PCMTD1: variants seen among roughly 807,000 people sequenced by gnomAD.
PCMTD1 encodes protein-L-isoaspartate O-methyltransferase domain-containing protein 1.
A neutral mutation model predicts 37.6 loss-of-function variants in PCMTD1; 12 were observed. The observed-to-expected ratio is 0.32, with a 90% CI of 0.20 to 0.52. PCMTD1 has a LOEUF of 0.52. PCMTD1 is among the 20% of genes least tolerant of loss of function. The pLI is 0.97. For synonymous variants in PCMTD1, 117 were observed against 135.8 expected (o/e 0.86, Z 0.96); for missense variants, 235 against 421.3 (o/e 0.56, Z 3.87).
chr8:51,832,719 T>C (rs1171198964), intron 4 of PCMTD1, among the ~76,000 whole-genome samples: 1 of 152,218 alleles, frequency 6.6e-6, no homozygotes, highest in African/African-American at 2.4e-5. Context: ...GCTAAAAAAA[T>C]AAATTTAATA....
chr8:51,856,738 A>G (rs2038395761), intron 2 of PCMTD1, among the ~76,000 whole-genome samples: 1 of 152,244 alleles, frequency 6.6e-6, no homozygotes, highest in South Asian at 2.1e-4. Flanking sequence ...ATGCTAAGTG[A>G]AAGAAGCTGG....
rs1045054768 is a variant in PCMTD1, at chr8:51,826,568, C to T, written c.706+4876G>A. ...TCCAAAACTACAGTTCAGGTTATCT[C>T]TAACACACACATTAGGCTCCATTTG... is the stretch of plus-strand genomic sequence containing the variant. On this transcript the variant is annotated intron_variant, in intron 5 of 5. Coordinates refer to ENST00000522514, the MANE Select transcript of PCMTD1 (RefSeq NM_052937.4). 5.3e-5 allele frequency among the ~76,000 whole-genome samples: 8 copies of T among 152,268 alleles called. No individual in the cohort carries two copies. The South Asian group carries it at 1.7e-3, about 32-fold the overall frequency.
At chr8:51,831,728 A>G (rs1396242350) in intron 4 of PCMTD1, among the ~76,000 whole-genome samples, 161 bp from the exon 5 acceptor site, 1 of 152,220 alleles carries the variant, frequency 6.6e-6, no homozygotes, top group Non-Finnish European at 1.5e-5. Context: ...TATTTACTAT[A>G]AGATATAAAA....
At chr8:51,872,244 C>T (rs2038650029) in intron 1 of PCMTD1, among the ~76,000 whole-genome samples, 1 of 152,052 alleles carries the variant, frequency 6.6e-6, no homozygotes, top group South Asian at 2.1e-4. Flanking sequence ...TTTTTCAAAC[C>T]TATATTACCA....
At position 51,831,504 on chromosome 8, in the gene PCMTD1, A is replaced by ATG; in HGVS notation, c.644_645dup (p.Phe216HisfsTer45). On this transcript the variant is annotated frameshift_variant, in exon 5 of 6. Transcript: ENST00000522514. LOFTEE classifies it high-confidence loss of function. The stretch of plus-strand genomic sequence containing the variant: ...TTACTTGGTTGCACAAGTGGAGCAA[A>ATG]TGAAACAGCAAGGATATTTTTACTT... 1.2e-6 allele frequency: 2 copies of ATG among 1,613,866 alleles called. No homozygotes were observed.
chr8:51,866,383 C>T (rs537283019), intron 1 of PCMTD1, among the ~76,000 whole-genome samples: 199 of 151,972 alleles, frequency 1.3e-3, no homozygotes, highest in African/African-American at 4.4e-3. Flanking sequence ...AAATCTATTA[C>T]AAAGCTATAG....
At chr8:51,849,156 G>C (rs987500024) in intron 2 of PCMTD1, 5 of 152,010 alleles carry the variant, frequency 3.3e-5, no homozygotes, top group African/African-American at 1.2e-4. Context: ...AGGGTGGTAA[G>C]GAAACATTTT....
chr8:51,871,865 C>G lies in PCMTD1; in HGVS notation c.-95-10619G>C, dbSNP rs200141900. Among the ~76,000 whole-genome samples the G allele has an allele frequency of 1.2e-4, 18 of 152,282 alleles. No individual in the cohort carries two copies. The East Asian group carries it at 3.5e-3, about 29-fold the overall frequency. ...CTTGACTATCTTTCTTCCCCTACCCCTCCAATTCAATACTACATATAATTT... is the reference window on the plus strand; with the variant it reads ...CTTGACTATCTTTCTTCCCCTACCCGTCCAATTCAATACTACATATAATTT... On this transcript the variant is annotated intron_variant, in intron 1 of 5. Transcript: ENST00000522514.
chr8:51,832,640 T>C (rs1196445426), intron 4 of PCMTD1, among the ~76,000 whole-genome samples: 1 of 152,238 alleles, frequency 6.6e-6, no homozygotes, highest in Non-Finnish European at 1.5e-5. Context: ...TAATTTGCTT[T>C]TGAAAGGTAT....
At chr8:51,843,718 A>G (rs1472056833) in intron 3 of PCMTD1, among the ~76,000 whole-genome samples, 2 of 152,202 alleles carry the variant, frequency 1.3e-5, no homozygotes, top group African/African-American at 4.8e-5. Flanking sequence ...AAATCACAAC[A>G]TATTTTCCTG....
chr8:51,818,082 A>G lies in PCMTD1; in HGVS notation c.*2269T>C. The G allele has an allele frequency of 8.1e-6, 3 of 369,972 alleles. No homozygotes were observed. In the Admixed American group the frequency reaches 1.1e-4, roughly 13 times the overall value. The allele number at this position is 369,972 out of a possible 1,614,324, so 22.9% of individuals were successfully genotyped here. A position where few individuals can be genotyped will look rare whatever the true frequency, so the allele number is the denominator to read the frequency against. On this transcript the variant is annotated 3_prime_UTR_variant, in exon 6 of 6. Transcript: ENST00000522514. ...GTAATTTTCCATATCAAGTAAACAT[A>G]AATTCATTAAAAAATAAACACAAAC...
intron 3 of PCMTD1, among the ~76,000 whole-genome samples, chr8:51,844,450 A>T (rs1012789576): frequency 6.6e-6 from 1 of 152,150 alleles, no homozygotes. Flanking sequence ...AATTTTTAAC[A>T]GTTACAATCA....
chr8:51,855,259 G>A (rs575406870), intron 2 of PCMTD1, among the ~76,000 whole-genome samples: 2 of 150,216 alleles, frequency 1.3e-5, no homozygotes, highest in Admixed American at 6.6e-5. Flanking sequence ...AAGGCATGGT[G>A]GCTCACACCT....
At chr8:51,836,949 T>G (rs148738294) in intron 3 of PCMTD1, among the ~76,000 whole-genome samples, 610 of 152,308 alleles carry the variant, frequency 4.0e-3, no homozygotes, top group Non-Finnish European at 6.9e-3. Context: ...TGGAGCTTCA[T>G]GTTACAGAAT....
chr8:51,873,536 C>T (rs537367688), intron 1 of PCMTD1, among the ~76,000 whole-genome samples: 1 of 152,200 alleles, frequency 6.6e-6, no homozygotes, highest in Non-Finnish European at 1.5e-5. Context: ...TGGAGGGTTA[C>T]TGATATAGTT....
intron 5 of PCMTD1, among the ~76,000 whole-genome samples, chr8:51,822,569 T>C (rs2037864270): frequency 6.6e-6 from 1 of 152,242 alleles, no homozygotes; most frequent in Non-Finnish European, 1.5e-5. Flanking sequence ...TACAATGTTA[T>C]ACTCGTCACC....
At chr8:51,838,583 G>T (rs185846437) in intron 3 of PCMTD1, among the ~76,000 whole-genome samples, 56 of 152,102 alleles carry the variant, frequency 3.7e-4, no homozygotes, top group Admixed American at 2.4e-3. Context: ...GACACAGATG[G>T]TGGCTACCAT....
At chr8:51,892,584 T>C (rs183025555) in intron 1 of PCMTD1, among the ~76,000 whole-genome samples, 4 of 152,366 alleles carry the variant, frequency 2.6e-5, no homozygotes, top group Admixed American at 1.3e-4. Context: ...CTTCAAAGTG[T>C]TGTCACAACG....
At chr8:51,827,015 AT>A in intron 5 of PCMTD1, 1 of 962,478 alleles carries the variant, frequency 1.0e-6, no homozygotes, top group Non-Finnish European at 1.2e-6. Flanking sequence ...TATTTTTGGG[AT>A]TTTTGGAGTC....
Sources: gnomAD v4.1 joint callset for allele counts (sites outside exome capture counted in the v4.1 genomes callset) on GRCh38, gnomAD v4.1.1 for gene constraint, MANE v1.5 for transcripts, NCBI Gene and HGNC (gene_info 2026-07-23, HGNC 2026-07-21) for gene names.